Variants in IFT25 observed in about 807,000 individuals in gnomAD.
IFT25 encodes the protein intraflagellar transport 25, also known as intraflagellar transport protein 25 homolog.
the IFT25 span, among the ~76,000 whole-genome samples, chr1:53,942,812 A>G: frequency 1.3e-5 from 2 of 152,252 alleles, no homozygotes; most frequent in Non-Finnish European, 2.9e-5. Context: ...CTTCAAGCTC[A>G]GAGTCAAGGA....
At chr1:53,917,688 G>A in the IFT25 span, among the ~76,000 whole-genome samples, 152 of 152,156 alleles carry the variant, frequency 1.0e-3, no homozygotes, top group Non-Finnish European at 1.8e-3. Context: ...TTGGCCAGGC[G>A]TGGTGGCAGG....
chr1:53,940,141 T>G, the IFT25 span: 1 of 991,458 alleles, frequency 1.0e-6, no homozygotes, highest in Non-Finnish European at 1.6e-6. Flanking sequence ...CTTGATTCTC[T>G]AAACTTTATC....
the IFT25 span, among the ~76,000 whole-genome samples, chr1:53,942,504 A>C: frequency 6.6e-6 from 1 of 152,248 alleles, no homozygotes; most frequent in Non-Finnish European, 1.5e-5. Context: ...GACATAGCTG[A>C]GTCACTGTGA....
the IFT25 span, among the ~76,000 whole-genome samples, chr1:53,921,037 G>A: frequency 6.6e-6 from 1 of 152,148 alleles, no homozygotes; most frequent in Non-Finnish European, 1.5e-5. Context: ...GCCAGGCATG[G>A]CGTTATGCAC....
chr1:53,931,112 C>T, the IFT25 span, among the ~76,000 whole-genome samples: 1 of 152,182 alleles, frequency 6.6e-6, no homozygotes, highest in Non-Finnish European at 1.5e-5. Flanking sequence ...TCCCTACCTC[C>T]CTTAGGCAAC....
the IFT25 span, among the ~76,000 whole-genome samples, chr1:53,926,803 G>A: frequency 1.3e-5 from 2 of 151,424 alleles, no homozygotes; most frequent in Admixed American, 6.6e-5. Context: ...GCTCATTGCA[G>A]TCTCAACCTC....
At chr1:53,942,878 C>G in the IFT25 span, among the ~76,000 whole-genome samples, 2 of 152,136 alleles carry the variant, frequency 1.3e-5, no homozygotes, top group African/African-American at 4.8e-5. Context: ...CATCATGTGA[C>G]GCACATCCAG....
chr1:53,936,004 G>C, the IFT25 span, among the ~76,000 whole-genome samples: 1 of 151,936 alleles, frequency 6.6e-6, no homozygotes, highest in South Asian at 2.1e-4. Flanking sequence ...GCTCATGCCT[G>C]TAATCCCAGC....
the IFT25 span, among the ~76,000 whole-genome samples, chr1:53,936,095 T>TA: frequency 0.015 from 2,170 of 142,278 alleles, 48 homozygotes; most frequent in African/African-American, 0.048. Context: ...CCCTGTCTCT[T>TA]AAAAAAAAAA....
chr1:53,914,617 A>G, the IFT25 span, among the ~76,000 whole-genome samples: 1 of 152,144 alleles, frequency 6.6e-6, no homozygotes, highest in Admixed American at 6.5e-5. Context: ...ATCTTTGTAT[A>G]TTCCTTTATC....
the IFT25 span, among the ~76,000 whole-genome samples, chr1:53,942,193 T>C: frequency 5.3e-5 from 8 of 152,164 alleles, no homozygotes; most frequent in Non-Finnish European, 1.2e-4. Context: ...GAGTAAGATA[T>C]TTAATAAGGA....
the IFT25 span, among the ~76,000 whole-genome samples, chr1:53,942,258 T>C: frequency 6.6e-6 from 1 of 152,206 alleles, no homozygotes; most frequent in African/African-American, 2.4e-5. Flanking sequence ...CAAGGGTTGG[T>C]CTAAATCAGG....
chr1:53,940,494 A>G, the IFT25 span, among the ~76,000 whole-genome samples: 1 of 152,208 alleles, frequency 6.6e-6, no homozygotes, highest in Non-Finnish European at 1.5e-5. Flanking sequence ...TAGCAAGAAC[A>G]CAGATTTAAG....
At chr1:53,940,108 A>G in the IFT25 span, 3 of 1,303,488 alleles carry the variant, frequency 2.3e-6, no homozygotes, top group Non-Finnish European at 3.3e-6. Flanking sequence ...CTGCAAATTA[A>G]AAAATAACAA....
At chr1:53,922,466 C>T in the IFT25 span, among the ~76,000 whole-genome samples, 1 of 151,718 alleles carries the variant, frequency 6.6e-6, no homozygotes, top group Non-Finnish European at 1.5e-5. Flanking sequence ...TTAATGTTGC[C>T]TCAGAATACG....
chr1:53,928,372 CT>C, the IFT25 span: 1 of 1,609,420 alleles, frequency 6.2e-7, no homozygotes, highest in South Asian at 1.1e-5. Context: ...AAACACATAC[CT>C]TTTTCAATCC....
chr1:53,916,975 T>C, the IFT25 span: 48,174 of 279,494 alleles, frequency 0.17, 6,529 homozygotes, highest in African/African-American at 0.47. Context: ...AACCCCATCT[T>C]TACTAAAAAT....
the IFT25 span, among the ~76,000 whole-genome samples, chr1:53,925,280 T>C: frequency 6.6e-6 from 1 of 152,206 alleles, no homozygotes; most frequent in African/African-American, 2.4e-5. Flanking sequence ...TAATACATTA[T>C]AATGATATTT....
the IFT25 span, chr1:53,921,766 G>A: frequency 4.4e-6 from 7 of 1,592,966 alleles, no homozygotes; most frequent in Non-Finnish European, 6.0e-6. Flanking sequence ...GCCATCATGT[G>A]CCTGTATGGG....
Sources: gnomAD v4.1 joint callset for allele counts (sites outside exome capture counted in the v4.1 genomes callset) on GRCh38, gnomAD v4.1.1 for gene constraint, MANE v1.5 for transcripts, NCBI Gene and HGNC (gene_info 2026-07-23, HGNC 2026-07-21) for gene names.